KNL1: variants seen among roughly 807,000 people sequenced by gnomAD.
The protein encoded by KNL1 is kinetochore scaffold 1.
Under a neutral mutation model 201.3 loss-of-function variants are expected in KNL1, and 66 were observed. The ratio of observed to expected loss-of-function variants is 0.33; its 90% CI spans 0.27 to 0.40. The LOEUF (loss-of-function observed/expected upper bound fraction) is 0.40, where lower values mean the gene tolerates loss of function less well. Among genes scored for constraint, KNL1 ranks in the 10% least tolerant of loss-of-function variants. The pLI is 1.00. For synonymous variants in KNL1, 895 were observed against 899.2 expected (o/e 1.00, Z 0.08); for missense variants, 2,815 against 2,690.5 (o/e 1.05, Z -1.02).
rs71104706 is a variant in KNL1 at position 40,617,975 on chromosome 15, T to TAAAAA, written c.323-949_323-945dup. On this transcript the variant is annotated intron_variant, in intron 8 of 25. Transcript: ENST00000399668. ...CCTGAAATATAAATAAGGCTTTTAG[T>TAAAAA]AAAAAAAAAAAAAAAAAAAAAAAAA... Among the ~76,000 whole-genome samples, 114 of 47,230 alleles carry TAAAAA rather than the reference T, an allele frequency of 2.4e-3. 21 individuals carry two copies. Among genetic ancestry groups the TAAAAA allele is most frequent in the Non-Finnish European group, 3.3e-3 (97 of 29,536 alleles). The allele number at this position is 47,230 out of a possible 152,430, so 31.0% of individuals were successfully genotyped here.
At chr15:40,605,543 C>T (rs2141700445) in intron 3 of KNL1, among the ~76,000 whole-genome samples, 1 of 151,708 alleles carries the variant, frequency 6.6e-6, no homozygotes, top group Admixed American at 6.6e-5. Context: ...CCTCCGCCTC[C>T]TGGGTTCAAG....
intron 3 of KNL1, among the ~76,000 whole-genome samples, chr15:40,605,478 G>A (rs1039582856): frequency 1.8e-4 from 27 of 152,212 alleles, no homozygotes; most frequent in African/African-American, 6.3e-4. Context: ...TTGAGATAGA[G>A]TCTCGCTCTG....
chr15:40,640,650 C>T (rs955667903), intron 13 of KNL1, among the ~76,000 whole-genome samples: 2 of 151,952 alleles, frequency 1.3e-5, no homozygotes, highest in Non-Finnish European at 2.9e-5. Context: ...ATTTTCTTAA[C>T]GCATAGCCAT....
chr15:40,650,732 G>T, intron 19 of KNL1, 149 bp downstream of exon 19: 1 of 621,610 alleles, frequency 1.6e-6, no homozygotes, highest in Non-Finnish European at 2.6e-6. Context: ...GAAACCTAGA[G>T]TCCATCTTAG....
intron 13 of KNL1, among the ~76,000 whole-genome samples, chr15:40,631,934 A>C (rs976434357): frequency 2.0e-5 from 3 of 151,706 alleles, no homozygotes; most frequent in African/African-American, 7.2e-5. Context: ...TCTTGAGCCC[A>C]GGGGTTCAAG....
At chr15:40,655,047 C>T (rs771937850) in intron 22 of KNL1, 70 bp downstream of exon 22, 269 of 1,245,262 alleles carry the variant, frequency 2.2e-4, no homozygotes, top group Non-Finnish European at 2.9e-4. Flanking sequence ...CCTTTAATCC[C>T]AGCACTTTGG....
Position 40,622,084 on chromosome 15 carries a change from G to A in KNL1, c.1820G>A (p.Ser607Asn). ...STSESHSQSK[S>N]SSDECEEITK... The stretch of plus-strand genomic sequence containing the variant: ...AGTGAATCTCACTCTCAGAGCAAAA[G>A]CTCTTCAGATGAATGTGAAGAAATT... The change falls in exon 10 of 26, where the codon AGC (serine) becomes AAC (asparagine). Residue 607 changes from serine (S) to asparagine (N), a missense_variant. This residue lies in a region of KNL1 where 2,464 missense variants were observed against 2,291.7 expected (regional missense o/e 1.08). Transcript: ENST00000399668. 1 of 1,614,032 alleles carries A rather than the reference G, an allele frequency of 6.2e-7. No homozygotes were observed. Among genetic ancestry groups the A allele is most frequent in the Non-Finnish European group, 8.5e-7 (1 of 1,179,960 alleles).
At chr15:40,632,210 A>ACCCCCCCCCCCCC (rs34274284) in intron 13 of KNL1, among the ~76,000 whole-genome samples, 2 of 131,712 alleles carry the variant, frequency 1.5e-5, no homozygotes, top group Non-Finnish European at 3.2e-5. Flanking sequence ...ACATAGCGAG[A>ACCCCCCCCCCCCC]CCCCCCCCCA....
intron 5 of KNL1, 138 bp from the exon 6 acceptor site, chr15:40,610,107 T>C: frequency 1.9e-6 from 1 of 527,308 alleles, no homozygotes. Flanking sequence ...TTTGAAATAC[T>C]AGGAGTATAT....
In KNL1 at chr15:40,637,044, T is replaced by C. The variant is rs529918699; in HGVS notation, c.5683-3868T>C. On this transcript the variant is annotated intron_variant, in intron 13 of 25. Transcript: ENST00000399668. ...TGTTTACATTTCCCTGATCGTCTTA[T>C]GCCTTTTTTTTTTCCCCAGTTTGTT... Among the ~76,000 whole-genome samples the C allele has an allele frequency of 3.3e-5, 5 of 150,658 alleles. No homozygotes were observed. The South Asian group carries it at 1.1e-3, about 32-fold the overall frequency.
At position 40,623,307 on chromosome 15, in the gene KNL1, C is replaced by A. The variant is rs780709966; in HGVS notation, c.3043C>A (p.Leu1015Ile). ...CCGTCTAGTAGCAAATGACAGCCAG[C>A]TAACCCCTCTGGAGGAATGGTCTAA... ...SDRLVANDSQLTPLEEWSNNR... is the reference protein window; with the variant it reads ...SDRLVANDSQITPLEEWSNNR... The change falls in exon 10 of 26, where the codon CTA becomes ATA. Residue 1015 changes from leucine to isoleucine, a missense_variant. Leu to Ile is a conservative substitution (Grantham distance 5). This residue lies in a region of KNL1 where 2,464 missense variants were observed against 2,291.7 expected (regional missense o/e 1.08). Coordinates refer to ENST00000399668, the MANE Select transcript of KNL1 (RefSeq NM_144508.5). The A allele has an allele frequency of 2.5e-6, 4 of 1,613,894 alleles. No homozygotes were observed. Among genetic ancestry groups the A allele is most frequent in the Non-Finnish European group, 3.4e-6 (4 of 1,179,860 alleles).
Position 40,621,141 on chromosome 15 carries a change from A to G in KNL1, c.877A>G (p.Thr293Ala). 6.2e-7 allele frequency: 1 copy of G among 1,613,922 alleles called. No individual in the cohort carries two copies. The highest frequency in any genetic ancestry group is 8.5e-7 in the Non-Finnish European group (1 of 1,179,920). The change falls in exon 10 of 26, where the codon ACA becomes GCA. Residue 293 changes from threonine (T) to alanine (A), a missense_variant. Thr to Ala is a moderately conservative substitution (Grantham distance 58). Coordinates refer to ENST00000399668, the MANE Select transcript of KNL1 (RefSeq NM_144508.5). Reference protein sequence around the residue: ...FTQCHTANIQTLIPTSSETNS... With the variant: ...FTQCHTANIQALIPTSSETNS... The stretch of plus-strand genomic sequence containing the variant: ...CCAGTGTCATACAGCCAATATTCAG[A>G]CATTGATTCCCACATCCAGTGAGAC...
chr15:40,628,269 A>T, intron 11 of KNL1, 61 bp downstream of exon 11: 1 of 1,492,532 alleles, frequency 6.7e-7, no homozygotes, highest in Admixed American at 2.4e-5. Context: ...AATAATAAGT[A>T]GTTTTCAGTT....
chr15:40,602,017 G>A (rs866236447), intron 1 of KNL1, among the ~76,000 whole-genome samples: 59 of 148,640 alleles, frequency 4.0e-4, no homozygotes, highest in Admixed American at 2.6e-3. Context: ...AATTTTTGTG[G>A]GTTTTTTTGT....
rs1230590859 is a variant in KNL1 at position 40,645,042 on chromosome 15, A to C, written c.5844A>C (p.Ile1948=). ...ACCAAGATAAGCTGTTGGTTGATAT[A>C]AATAAGAACCTGTGGGAAAAAATGA... The part of the protein sequence containing the change: ...ASNQDKLLVD[I]NKNLWEKMRH... The change falls in exon 15 of 26, where the codon ATA becomes ATC. Residue 1948 remains isoleucine, a synonymous_variant. Coordinates refer to ENST00000399668, the MANE Select transcript of KNL1 (RefSeq NM_144508.5). 6.2e-7 allele frequency: 1 copy of C among 1,612,402 alleles called. No homozygotes were observed. Among genetic ancestry groups the C allele is most frequent in the Non-Finnish European group, 8.5e-7 (1 of 1,179,134 alleles).
At chr15:40,633,888 T>C (rs1044697685) in intron 13 of KNL1, among the ~76,000 whole-genome samples, 2 of 152,152 alleles carry the variant, frequency 1.3e-5, no homozygotes, top group African/African-American at 4.8e-5. Context: ...ACAAGTTAAC[T>C]GTAAAACAGC....
chr15:40,599,634 C>T (rs942228325), intron 1 of KNL1, among the ~76,000 whole-genome samples: 2 of 151,970 alleles, frequency 1.3e-5, no homozygotes, highest in African/African-American at 2.4e-5. Context: ...CAGCCTGCCT[C>T]GGCTGCCCAA....
intron 1 of KNL1, among the ~76,000 whole-genome samples, chr15:40,600,050 T>G (rs1408063830): frequency 6.6e-6 from 1 of 151,624 alleles, no homozygotes; most frequent in Non-Finnish European, 1.5e-5. Context: ...GCTGGATTCT[T>G]TTTGCTGATA....
At chr15:40,638,287 A>G (rs1429904113) in intron 13 of KNL1, among the ~76,000 whole-genome samples, 1 of 148,962 alleles carries the variant, frequency 6.7e-6, no homozygotes, top group Non-Finnish European at 1.5e-5. Flanking sequence ...GAAGGGAAGG[A>G]TAGGATAACA....
Sources: allele counts gnomAD v4.1 joint callset (sites outside exome capture counted in the v4.1 genomes callset), GRCh38; gene constraint gnomAD v4.1.1; regional missense constraint gnomAD v4.1.1; transcripts MANE v1.5; gene names NCBI Gene and HGNC (gene_info 2026-07-23, HGNC 2026-07-21).